The following TNRC18 variants were observed in gnomAD, a reference collection of about 807,000 sequenced individuals.
TNRC18 encodes trinucleotide repeat-containing gene 18 protein.
A neutral mutation model predicts 226.7 loss-of-function variants in TNRC18; 69 were observed. The ratio of observed to expected loss-of-function variants is 0.30; its 90% confidence interval spans 0.25 to 0.37. The LOEUF (loss-of-function observed/expected upper bound fraction) is 0.37, where lower values mean the gene tolerates loss of function less well. Ranked by LOEUF, TNRC18 falls within the 10% of genes least tolerant of loss-of-function variation. TNRC18 has a pLI of 1.00. For missense variants in TNRC18, 4,754 were observed against 4,256.6 expected (o/e 1.12, Z -3.25); for synonymous variants, 2,449 against 1,927.6 (o/e 1.27, Z -7.09).
chr7:5,388,077 A>G lies in TNRC18; in HGVS notation c.1747T>C (p.Ser583Pro). 1 of 1,554,712 alleles carries G rather than the reference A, an allele frequency of 6.4e-7. No homozygotes were observed. Among genetic ancestry groups the G allele is most frequent in the Non-Finnish European group, 8.7e-7 (1 of 1,149,626 alleles). Residue 583 changes from serine to proline, a missense_variant, in exon 5 of 30, where the codon TCG (serine) becomes CCG (proline). Ser to Pro is a moderately conservative substitution (Grantham distance 74, BLOSUM62 -1). Transcript: ENST00000430969. Reference sequence around the variant, plus strand: ...TACTTTATAAGGCTCTGCATGGCCGAGGCCTCTCCAGACCCGTGGGCCGCA... The same window carrying G: ...TACTTTATAAGGCTCTGCATGGCCGGGGCCTCTCCAGACCCGTGGGCCGCA... Reference protein sequence around the residue: ...HSAAHGSGEASAMQSLIKYSG... With the variant: ...HSAAHGSGEAPAMQSLIKYSG...
rs1374710128 is a variant in TNRC18 at position 5,324,895 on chromosome 7, C to G, written c.6300+201G>C. On this transcript the variant is annotated intron_variant, in intron 20 of 29. Coordinates refer to ENST00000430969, the MANE Select transcript of TNRC18 (RefSeq NM_001080495.3). This position sits in a 1 kb window ranked among gnomAD's most constrained non-coding sequence, Gnocchi z 4.8. ...CTCGCCCCCGCTAGAGCAGACATTT[C>G]CTGAGGACAGGAGCAGAGTCCCCAG... is the stretch of plus-strand genomic sequence containing the variant. Among the ~76,000 whole-genome samples the G allele has an allele frequency of 6.6e-6, 1 of 152,196 alleles. No individual in the cohort carries two copies. Among genetic ancestry groups the G allele is most frequent in the South Asian group, 2.1e-4 (1 of 4,834 alleles).
intron 24 of TNRC18, among the ~76,000 whole-genome samples, chr7:5,316,524 C>G (rs1003581703): frequency 1.3e-5 from 2 of 152,056 alleles, no homozygotes; most frequent in Middle Eastern, 3.2e-3. Flanking sequence ...GGTGATCCGC[C>G]CACCTCAGCC....
chr7:5,377,200 G>C lies in TNRC18; in HGVS notation c.2461+171C>G, dbSNP rs752185032. 1.1e-4 allele frequency among the ~76,000 whole-genome samples: 17 copies of C among 152,222 alleles called. No homozygotes were observed. The highest frequency in any genetic ancestry group is 2.2e-4 in the Non-Finnish European group (15 of 68,028). On this transcript the variant is annotated intron_variant, in intron 7 of 29. Coordinates refer to ENST00000430969, the MANE Select transcript of TNRC18 (RefSeq NM_001080495.3). The surrounding 1 kb of genome is among the most constrained non-coding windows in gnomAD (Gnocchi z 5.8). ...TCTGCCCCAAACAGGCATGGCAGAG[G>C]GGCCCCACGAGGCAGAGGCCATTAT... is the stretch of plus-strand genomic sequence containing the variant.
rs1242557884 is a variant in TNRC18, at chr7:5,332,730, C to T, written c.6039G>A (p.Ala2013=). The change falls in exon 19 of 30, where the codon GCG becomes GCA. Residue 2013 remains alanine, a synonymous_variant. Transcript: ENST00000430969. ...TGGTGGCGGGCGCGGTGCTGACGGG[C>T]GCAGGTGCAGCAGCCGAGGCGTCGT... is the stretch of plus-strand genomic sequence containing the variant. The part of the protein sequence containing the change: ...FLHDASAAAP[A]PVSTAPATKT... The T allele has an allele frequency of 6.6e-6, 10 of 1,524,052 alleles. No homozygotes were observed. The highest frequency in any genetic ancestry group is 8.8e-6 in the Non-Finnish European group (10 of 1,140,734). The allele number at this position is 1,524,052 out of a possible 1,614,324, so 94.4% of individuals were successfully genotyped here.
intron 5 of TNRC18, among the ~76,000 whole-genome samples, chr7:5,378,453 C>T (rs1351348373): frequency 6.7e-6 from 1 of 150,320 alleles, no homozygotes; most frequent in Non-Finnish European, 1.5e-5. Context: ...GAGTCTCGCT[C>T]TGTCGCCCAG....
At chr7:5,348,823 G>A (rs909479557) in intron 17 of TNRC18, among the ~76,000 whole-genome samples, 2 of 152,170 alleles carry the variant, frequency 1.3e-5, no homozygotes, top group Non-Finnish European at 2.9e-5. Flanking sequence ...CACATTGCAG[G>A]CGTCACATGG....
At chr7:5,351,773 T>A (rs542236769) in intron 17 of TNRC18, 46 bp downstream of exon 17, 1 of 1,517,984 alleles carries the variant, frequency 6.6e-7, no homozygotes, top group Non-Finnish European at 8.8e-7. Flanking sequence ...GCACGCACTC[T>A]CTCGCTAGGA....
In TNRC18 at chr7:5,356,829, G is replaced by C. The variant is rs969644940; in HGVS notation, c.5194+87C>G. ...GCGAGAGCGAGAGAGAGAGTGAGGGGCGGGGGGGGAAGGAGGACGGTGGAG... is the reference window on the plus strand; with the variant it reads ...GCGAGAGCGAGAGAGAGAGTGAGGGCCGGGGGGGGAAGGAGGACGGTGGAG... On this transcript the variant is annotated intron_variant, in intron 16 of 29. Transcript: ENST00000430969. The C allele has an allele frequency of 1.2e-4, 91 of 766,554 alleles. 1 individual carries two copies. Among genetic ancestry groups the C allele is most frequent in the Middle Eastern group, 1.1e-3 (3 of 2,772 alleles). The allele number at this position is 766,554 out of a possible 1,614,324, so 47.5% of individuals were successfully genotyped here.
chr7:5,350,984 T>G (rs1378687590), intron 17 of TNRC18, among the ~76,000 whole-genome samples: 2 of 152,172 alleles, frequency 1.3e-5, no homozygotes, highest in Non-Finnish European at 2.9e-5. Flanking sequence ...TTGTAAATAA[T>G]AGTTTTTAAC....
intron 16 of TNRC18, among the ~76,000 whole-genome samples, chr7:5,355,664 T>A (rs147816409): frequency 2.6e-4 from 40 of 151,962 alleles, no homozygotes; most frequent in African/African-American, 8.9e-4. Flanking sequence ...GAGGGGAGGA[T>A]TGCTTGAGCC....
intron 10 of TNRC18, 54 bp downstream of exon 10, chr7:5,374,001 G>C: frequency 9.4e-6 from 13 of 1,385,280 alleles, no homozygotes; most frequent in Non-Finnish European, 1.2e-5. Context: ...TGGATGAGCA[G>C]TTTTACCGCT....
Position 5,387,769 on chromosome 7 carries a change from T to A in TNRC18, c.2055A>T (p.Ala685=). The A allele has an allele frequency of 6.2e-7, 1 of 1,608,418 alleles. No homozygotes were observed. The highest frequency in any genetic ancestry group is 1.1e-5 in the South Asian group (1 of 91,084). ...AEVRHPPVGI[A]VAVARQKDSG... ...TGTCCTTCTGCCGGGCCACAGCCACTGCAATGCCCACAGGCGGGTGTCGCA... is the reference window on the plus strand; with the variant it reads ...TGTCCTTCTGCCGGGCCACAGCCACAGCAATGCCCACAGGCGGGTGTCGCA... The change falls in exon 5 of 30, where the codon GCA becomes GCT. Residue 685 remains alanine, a synonymous_variant. Coordinates refer to ENST00000430969, the MANE Select transcript of TNRC18 (RefSeq NM_001080495.3).
chr7:5,371,227 G>C lies in TNRC18; in HGVS notation c.3367C>G (p.Arg1123Gly). ...TTGTCTTCGGGTGAGAGTGCCAGGC[G>C]CTCGGGCCCATCAGCCGGGAGCGGC... ...DVPLPADGPE[R>G]LALSPEDKPI... Residue 1123 changes from arginine (R) to glycine (G), a missense_variant, in exon 11 of 30, where the codon CGC (arginine) becomes GGC (glycine). Arg to Gly is a moderately radical substitution (Grantham distance 125). Coordinates refer to ENST00000430969, the MANE Select transcript of TNRC18 (RefSeq NM_001080495.3). 1 of 1,605,468 alleles carries C rather than the reference G, an allele frequency of 6.2e-7. No individual in the cohort carries two copies. Among genetic ancestry groups the C allele is most frequent in the Non-Finnish European group, 8.5e-7 (1 of 1,174,902 alleles).
Position 5,359,380 on chromosome 7 carries a change from G to C in TNRC18, c.4833+18C>G, listed in dbSNP as rs756235275. The C allele has an allele frequency of 3.7e-6, 6 of 1,613,578 alleles. No individual in the cohort carries two copies. The highest frequency in any genetic ancestry group is 3.3e-5 in the Admixed American group (2 of 59,994). On this transcript the variant is annotated intron_variant, in intron 15 of 29. Coordinates refer to ENST00000430969, the MANE Select transcript of TNRC18 (RefSeq NM_001080495.3). ...CTCCCTGAAAGATCTCACACACCTG[G>C]AAGACTGGGTTACTCACCTGACTGA...
At chr7:5,350,784 C>T (rs920221691) in intron 17 of TNRC18, among the ~76,000 whole-genome samples, 4 of 152,114 alleles carry the variant, frequency 2.6e-5, no homozygotes, top group Admixed American at 6.5e-5. Flanking sequence ...TCTTGAGAAC[C>T]GAGGTGGCTG....
chr7:5,341,130 G>C (rs1381356261), intron 18 of TNRC18, among the ~76,000 whole-genome samples: 1 of 151,908 alleles, frequency 6.6e-6, no homozygotes. Flanking sequence ...TGGAACAACA[G>C]GCCGGGTGCA....
rs188375572 is a variant in TNRC18, at chr7:5,401,576, A to G, written c.188-6981T>C. 7.2e-5 allele frequency among the ~76,000 whole-genome samples: 11 copies of G among 152,312 alleles called. No individual in the cohort carries two copies. The East Asian group carries it at 1.5e-3, about 21-fold the overall frequency. On this transcript the variant is annotated intron_variant, in intron 2 of 29. Transcript: ENST00000430969. ...TCCTTATTGTCTCTGCCCACTGAAG[A>G]CAGCAAGCTTTTCTTTGAAAGGGTG...
Position 5,388,145 on chromosome 7 carries a change from C to T in TNRC18, c.1679G>A (p.Arg560His), listed in dbSNP as rs760544756. The stretch of plus-strand genomic sequence containing the variant: ...CGGCCGGCCGCAGGTGGCCGCCGAG[C>T]GGGGCAGCACAGCCCCAGGGTCCAG... ...AYLDPGAVLP[R>H]SAATCGRPVA... The change falls in exon 5 of 30, where the codon CGC becomes CAC. Residue 560 changes from arginine to histidine, a missense_variant. Coordinates refer to ENST00000430969, the MANE Select transcript of TNRC18 (RefSeq NM_001080495.3). The T allele has an allele frequency of 3.8e-6, 6 of 1,562,800 alleles. No homozygotes were observed. The highest frequency in any genetic ancestry group is 1.7e-4 in the Middle Eastern group (1 of 5,998).
intron 29 of TNRC18, 38 bp downstream of exon 29, chr7:5,308,837 T>TTG: frequency 6.0e-5 from 50 of 834,118 alleles, no homozygotes; most frequent in Non-Finnish European, 9.5e-5. Context: ...GAAGCAGCCA[T>TTG]CCCCAACCCG....
Sources: gnomAD v4.1 joint callset for allele counts (sites outside exome capture counted in the v4.1 genomes callset) on GRCh38, gnomAD v4.1.1 for gene constraint, Gnocchi (gnomAD v3.1) non-coding constraint, MANE v1.5 for transcripts, NCBI Gene and HGNC (gene_info 2026-07-23, HGNC 2026-07-21) for gene names.